Variants in ERICH1 observed in about 807,000 individuals in gnomAD.
ERICH1 encodes the protein glutamate rich 1, also known as glutamate-rich protein 1.
ERICH1 carries 56 observed loss-of-function variants against 39.6 expected under a neutral mutation model. The observed-to-expected ratio is 1.41, with a 90% CI of 1.14 to 1.77. The LOEUF (loss-of-function observed/expected upper bound fraction) is 1.77, where lower values mean the gene tolerates loss of function less well. Ranked by LOEUF, ERICH1 falls within the 40% of genes most tolerant of loss-of-function variation. ERICH1 has a pLI of 0.00. For missense variants in ERICH1, 826 were observed against 575.4 expected (o/e 1.44, Z -4.45); for synonymous variants, 313 against 223.6 (o/e 1.40, Z -3.57).
chr8:729,725 A>G (rs915815550), intron 1 of ERICH1, among the ~76,000 whole-genome samples: 4 of 152,202 alleles, frequency 2.6e-5, no homozygotes, highest in African/African-American at 4.8e-5. Flanking sequence ...ATCCAATAGG[A>G]AAAAAAGGCT....
At chr8:688,461 A>C in intron 3 of ERICH1, among the ~76,000 whole-genome samples, 1 of 151,788 alleles carries the variant, frequency 6.6e-6, no homozygotes, top group Non-Finnish European at 1.5e-5. Context: ...CCAGGCTCAC[A>C]AAGGAGCCTC....
intron 3 of ERICH1, among the ~76,000 whole-genome samples, chr8:683,817 C>G (rs1365203373): frequency 1.3e-5 from 2 of 152,224 alleles, no homozygotes; most frequent in African/African-American, 4.8e-5. Context: ...TGCCGCTAAG[C>G]TAAACGTCTG....
chr8:642,654 A>G lies in ERICH1; in HGVS notation c.976+25944T>C, dbSNP rs572146634. On this transcript the variant is annotated intron_variant, in intron 3 of 3. Transcript: ENST00000522706. ...TACAGAAACCACAGTTGAGAATTTC[A>G]CAGTAATCAACCCACTGGCACGTCT... Among the ~76,000 whole-genome samples, 6 of 152,050 alleles carry G rather than the reference A, an allele frequency of 3.9e-5. No homozygotes were observed. The East Asian group carries it at 1.2e-3, about 29-fold the overall frequency.
chr8:695,759 C>T (rs1449401368), intron 2 of ERICH1, among the ~76,000 whole-genome samples: 10 of 136,130 alleles, frequency 7.3e-5, no homozygotes, highest in Admixed American at 2.1e-4. Flanking sequence ...TGGCTCCTCT[C>T]ACCCTCCACT....
At chr8:728,549 C>T (rs1313863764) in intron 1 of ERICH1, among the ~76,000 whole-genome samples, 3 of 152,326 alleles carry the variant, frequency 2.0e-5, no homozygotes, top group Non-Finnish European at 2.9e-5. Context: ...CCGCTGGCTA[C>T]CCTATATGCC....
intron 1 of ERICH1, among the ~76,000 whole-genome samples, chr8:729,120 C>A (rs143947550): frequency 6.6e-6 from 1 of 152,152 alleles, no homozygotes; most frequent in Non-Finnish European, 1.5e-5. Flanking sequence ...GGAGGGATAC[C>A]GTGCCTGATT....
At chr8:629,900 C>T (rs1455192412) in intron 3 of ERICH1, among the ~76,000 whole-genome samples, 11 of 124,614 alleles carry the variant, frequency 8.8e-5, no homozygotes, top group African/African-American at 3.1e-4. Flanking sequence ...AGCACCCACA[C>T]AGACAGAGCT....
chr8:691,489 A>C (rs1448669557), intron 3 of ERICH1, among the ~76,000 whole-genome samples: 15 of 152,240 alleles, frequency 9.9e-5, no homozygotes. Context: ...CGCGGACAAC[A>C]GGAAGGGCGT....
At chr8:627,348 A>C (rs1473408142) in intron 3 of ERICH1, 1 of 390,290 alleles carries the variant, frequency 2.6e-6, no homozygotes, top group South Asian at 1.8e-5. Flanking sequence ...CTTGTCTCCC[A>C]TTCCTGGACA....
At chr8:624,861 G>A (rs1008420763) in intron 3 of ERICH1, among the ~76,000 whole-genome samples, 1 of 152,030 alleles carries the variant, frequency 6.6e-6, no homozygotes, top group Non-Finnish European at 1.5e-5. Flanking sequence ...AGAGTAGCTG[G>A]GACTACAGGT....
At chr8:651,258 GTCC>G (rs1799909729) in intron 3 of ERICH1, among the ~76,000 whole-genome samples, 1 of 152,204 alleles carries the variant, frequency 6.6e-6, no homozygotes, top group African/African-American at 2.4e-5. Context: ...GGGCTTAGGC[GTCC>G]TCATCTCCCG....
At chr8:714,774 G>A (rs1408476752) in intron 2 of ERICH1, among the ~76,000 whole-genome samples, 108 of 149,022 alleles carry the variant, frequency 7.2e-4, no homozygotes, top group African/African-American at 2.5e-3. Flanking sequence ...GCACCCAGGC[G>A]GCCTCTTCCG....
At chr8:615,169 G>A (rs537952696) in exon 4 of ERICH1, 14 of 634,788 alleles carry the variant, frequency 2.2e-5, no homozygotes, top group East Asian at 5.4e-5. Context: ...ACACAAAGTC[G>A]AAAGTAGACA....
intron 3 of ERICH1, among the ~76,000 whole-genome samples, chr8:682,076 TGAG>T (rs1806259996): frequency 1.3e-5 from 2 of 151,844 alleles, no homozygotes; most frequent in African/African-American, 4.8e-5. Context: ...TTTTCCATGA[TGAG>T]TAGGTCTTGA....
intron 3 of ERICH1, among the ~76,000 whole-genome samples, chr8:657,657 G>A (rs1266297040): frequency 6.6e-6 from 1 of 151,414 alleles, no homozygotes; most frequent in Admixed American, 6.6e-5. Flanking sequence ...CTTGATTATG[G>A]AGTTCATCTG....
At chr8:700,067 T>G (rs371592655) in intron 2 of ERICH1, among the ~76,000 whole-genome samples, 969 of 29,362 alleles carry the variant, frequency 0.033, no homozygotes, top group African/African-American at 0.042. Flanking sequence ...GCACAGGCCC[T>G]CACAGGCGCA....
In ERICH1 at chr8:656,668, T is replaced by C. The variant is rs149699054; in HGVS notation, c.976+11930A>G. The C allele has an allele frequency of 4.6e-4, 407 of 892,194 alleles. 1 individual carries two copies. The highest frequency in any genetic ancestry group is 1.9e-3 in the Admixed American group (30 of 16,164). 55.3% of individuals were successfully genotyped at this position (892,194 alleles called of 1,614,324 possible). ...ACAAGTGTGGAATTTTGGGGCTTAC[T>C]TGCCTCTGGGAATAAAGGACATCCC... On this transcript the variant is annotated intron_variant, in intron 3 of 3. Coordinates refer to the ERICH1 transcript ENST00000522706.
intron 3 of ERICH1, among the ~76,000 whole-genome samples, chr8:653,938 T>A (rs1800292041): frequency 6.6e-6 from 1 of 151,886 alleles, no homozygotes; most frequent in African/African-American, 2.4e-5. Context: ...AATGAGCTGG[T>A]CACAGAAGGA....
rs1193760816 is a variant in ERICH1, at chr8:694,383, C to T, written c.170-1771G>A. Among the ~76,000 whole-genome samples the T allele has an allele frequency of 7.2e-5, 11 of 152,206 alleles. 1 individual carries two copies. Among genetic ancestry groups the T allele is most frequent in the Admixed American group, 7.2e-4 (11 of 15,286 alleles). On this transcript the variant is annotated intron_variant, in intron 2 of 5. Transcript: ENST00000262109. ...CAGAATATTTTTGGAAGCTTTTAATCAGCTAAATCTTTCTTAGTAAGAAAG... is the reference window on the plus strand; with the variant it reads ...CAGAATATTTTTGGAAGCTTTTAATTAGCTAAATCTTTCTTAGTAAGAAAG...
Sources: gnomAD v4.1 joint callset for allele counts (sites outside exome capture counted in the v4.1 genomes callset) on GRCh38, gnomAD v4.1.1 for gene constraint, MANE v1.5 for transcripts, NCBI Gene and HGNC (gene_info 2026-07-23, HGNC 2026-07-21) for gene names.